SLC9B1: variants seen among roughly 807,000 people sequenced by gnomAD.
SLC9B1 encodes solute carrier family 9 member B1, also known as sodium/hydrogen exchanger 9B1.
Under a neutral mutation model 51.7 loss-of-function variants are expected in SLC9B1, and 32 were observed. The ratio of observed to expected loss-of-function variants is 0.62; its 90% confidence interval spans 0.47 to 0.83. The LOEUF (loss-of-function observed/expected upper bound fraction) is 0.83. Among genes scored for constraint, SLC9B1 ranks in the 40% least tolerant of loss-of-function variants. The probability of loss-of-function intolerance (pLI) is 0.00; values close to 1 mark genes in which losing one functional copy is unlikely to be tolerated. For synonymous variants in SLC9B1, 145 were observed against 212.7 expected, an observed-to-expected ratio of 0.68 and a Z score of 2.77; for missense variants, 406 against 613.2, an observed-to-expected ratio of 0.66 and a Z score of 3.57.
intron 1 of SLC9B1, among the ~76,000 whole-genome samples, chr4:103,014,323 G>A (rs1004507120): frequency 2.6e-5 from 4 of 152,126 alleles, no homozygotes; most frequent in East Asian, 1.9e-4. Flanking sequence ...ATTTCCTGAC[G>A]CTACCTTCAA....
At chr4:102,891,187 C>T (rs915564833) in intron 11 of SLC9B1, 11 of 147,386 alleles carry the variant, frequency 7.5e-5, no homozygotes, top group African/African-American at 2.7e-4. Flanking sequence ...TTGAAAAAGT[C>T]TTCTTTTTAA....
At chr4:103,001,938 A>G (rs908811891) in intron 1 of SLC9B1, among the ~76,000 whole-genome samples, 1 of 152,204 alleles carries the variant, frequency 6.6e-6, no homozygotes, top group Non-Finnish European at 1.5e-5. Flanking sequence ...AAAACTTACA[A>G]TCATGGTGGA....
chr4:103,007,564 C>G (rs1241112906), intron 1 of SLC9B1, among the ~76,000 whole-genome samples: 1 of 145,720 alleles, frequency 6.9e-6, no homozygotes, highest in African/African-American at 2.5e-5. Flanking sequence ...GTTGTATGAT[C>G]TTGGGTAATT....
At chr4:102,999,151 A>G (rs1740384652) in intron 1 of SLC9B1, among the ~76,000 whole-genome samples, 1 of 152,064 alleles carries the variant, frequency 6.6e-6, no homozygotes, top group Admixed American at 6.6e-5. Context: ...TAAAATTGGG[A>G]TGTTTGTTTT....
chr4:102,981,958 A>G (rs2110510850), intron 3 of SLC9B1, among the ~76,000 whole-genome samples: 2 of 152,206 alleles, frequency 1.3e-5, no homozygotes, highest in Middle Eastern at 6.8e-3. Context: ...TTGATATTAT[A>G]CCTAAAACTC....
intron 7 of SLC9B1, among the ~76,000 whole-genome samples, chr4:102,917,669 C>T (rs1243786184): frequency 6.6e-6 from 1 of 151,992 alleles, no homozygotes; most frequent in East Asian, 1.9e-4. Context: ...AACTACCTAC[C>T]TTAAAAAAGA....
Position 102,906,554 on chromosome 4 carries a change from G to A in SLC9B1, c.1177C>T (p.Leu393Phe), listed in dbSNP as rs1735064778. The change falls in exon 10 of 12, where the codon CTT becomes TTT. Residue 393 changes from leucine (L) to phenylalanine (F), a missense_variant. Around this residue, in one of 6 missense-constraint regions of SLC9B1, gnomAD observed 250 missense variants for 394.1 expected, o/e 0.63. Coordinates refer to ENST00000296422, the MANE Select transcript of SLC9B1 (RefSeq NM_139173.4). ...TTCTTACCAACAATATTTGATTCAA[G>A]CGATGAAACAGATACTTCTGCTCCA... ...LVGAEVSVSS[L>F]ESNIVGISVA... The A allele has an allele frequency of 1.9e-6, 3 of 1,551,684 alleles. No homozygotes were observed. Among genetic ancestry groups the A allele is most frequent in the African/African-American group, 2.7e-5 (2 of 73,736 alleles).
chr4:102,920,096 A>G (rs3974478), intron 7 of SLC9B1, among the ~76,000 whole-genome samples: 83,245 of 152,130 alleles, frequency 0.55, 23,363 homozygotes, highest in African/African-American at 0.68. Context: ...AGACTGCCTC[A>G]TCAAGTGGGT....
chr4:102,974,241 T>TAAA (rs1560962155), intron 3 of SLC9B1, among the ~76,000 whole-genome samples: 22 of 16,772 alleles, frequency 1.3e-3, no homozygotes, highest in Non-Finnish European at 2.7e-3. Flanking sequence ...TGTCTAAAAT[T>TAAA]GAAAAAAAAA....
intron 7 of SLC9B1, among the ~76,000 whole-genome samples, chr4:102,919,212 G>A (rs147403904): frequency 0.012 from 1,752 of 152,252 alleles, 38 homozygotes; most frequent in African/African-American, 0.04. Flanking sequence ...GCAAATTTCT[G>A]CAGTCAGCTT....
At chr4:102,957,221 TC>T (rs1285137479) in intron 3 of SLC9B1, among the ~76,000 whole-genome samples, 1 of 152,082 alleles carries the variant, frequency 6.6e-6, no homozygotes, top group Non-Finnish European at 1.5e-5. Flanking sequence ...TAATGGGAAT[TC>T]CAGGAGAAGA....
intron 7 of SLC9B1, among the ~76,000 whole-genome samples, chr4:102,916,372 C>T (rs1248777337): frequency 1.3e-5 from 2 of 151,968 alleles, no homozygotes; most frequent in African/African-American, 2.4e-5. Flanking sequence ...GGCCAATTGA[C>T]CAAGAAGATA....
intron 7 of SLC9B1, among the ~76,000 whole-genome samples, chr4:102,922,990 C>T (rs1332055547): frequency 6.6e-6 from 1 of 152,190 alleles, no homozygotes; most frequent in African/African-American, 2.4e-5. Context: ...CAAAGAGGAG[C>T]TGGTACCATT....
Position 102,887,543 on chromosome 4 carries a change from T to C in SLC9B1, c.1333-2215A>G, listed in dbSNP as rs1323380722. 6 of 604,896 alleles carry C rather than the reference T, an allele frequency of 9.9e-6. No homozygotes were observed. In the African/African-American group the frequency reaches 1.1e-4, roughly 11 times the overall value. The allele number at this position is 604,896 out of a possible 1,614,324, so 37.5% of individuals were successfully genotyped here. On this transcript the variant is annotated intron_variant, in intron 11 of 11. Transcript: ENST00000394789. ...CTTCCAATTTATTTTCTTCCTGCACTACTGTTTGTATTTGATCCTTTGTCT... is the reference window on the plus strand; with the variant it reads ...CTTCCAATTTATTTTCTTCCTGCACCACTGTTTGTATTTGATCCTTTGTCT...
chr4:102,898,017 C>T (rs944414581), downstream of SLC9B1: 14 of 412,896 alleles, frequency 3.4e-5, no homozygotes, highest in Admixed American at 1.8e-4. Flanking sequence ...CAAAAGCAAA[C>T]GAGTGAATGG....
At chr4:102,945,007 G>A (rs1288980242) in intron 6 of SLC9B1, among the ~76,000 whole-genome samples, 186 bp downstream of exon 6, 1 of 152,066 alleles carries the variant, frequency 6.6e-6, no homozygotes, top group African/African-American at 2.4e-5. Context: ...GGCTATGAAT[G>A]TTTGTTAAAA....
At chr4:102,886,573 G>T (rs1383268940) in intron 11 of SLC9B1, among the ~76,000 whole-genome samples, 1 of 152,104 alleles carries the variant, frequency 6.6e-6, no homozygotes, top group Non-Finnish European at 1.5e-5. Flanking sequence ...TGTGTATCTG[G>T]ATGGGTTATG....
chr4:102,941,877 C>A (rs1447286201), intron 6 of SLC9B1, among the ~76,000 whole-genome samples: 1 of 151,948 alleles, frequency 6.6e-6, no homozygotes, highest in Non-Finnish European at 1.5e-5. Context: ...TGTTGCTATT[C>A]ATGATTATAT....
intron 1 of SLC9B1, among the ~76,000 whole-genome samples, chr4:103,016,461 T>C (rs892063273): frequency 1.3e-5 from 2 of 152,200 alleles, no homozygotes; most frequent in Non-Finnish European, 2.9e-5. Flanking sequence ...CAGCCAGCAG[T>C]ACTATGTCAA....
Sources: allele counts gnomAD v4.1 joint callset (sites outside exome capture counted in the v4.1 genomes callset), GRCh38; gene constraint gnomAD v4.1.1; regional missense constraint gnomAD v4.1.1; transcripts MANE v1.5; gene names NCBI Gene and HGNC (gene_info 2026-07-23, HGNC 2026-07-21).